WWOX: variants seen among roughly 807,000 people sequenced by gnomAD.
WWOX encodes WW domain containing oxidoreductase.
Under a neutral mutation model 46.2 loss-of-function variants are expected in WWOX, and 69 were observed. The ratio of observed to expected loss-of-function variants is 1.49; its 90% CI spans 1.23 to 1.82. WWOX has a LOEUF of 1.82. Among genes scored for constraint, WWOX ranks in the 40% most tolerant of loss-of-function variants. The pLI is 0.00. For synonymous variants in WWOX, 359 were observed against 202.6 expected, an observed-to-expected ratio of 1.77 and a Z score of -6.56; for missense variants, 919 against 542.6, an observed-to-expected ratio of 1.69 and a Z score of -6.89.
chr16:79,042,233 G>A (rs1012715743), intron 8 of WWOX, among the ~76,000 whole-genome samples: 2 of 152,096 alleles, frequency 1.3e-5, no homozygotes, highest in African/African-American at 2.4e-5. Flanking sequence ...CAAAGCCCAC[G>A]CTCTCTTACA....
chr16:78,725,644 A>G (rs2048812698), intron 8 of WWOX, among the ~76,000 whole-genome samples: 1 of 152,056 alleles, frequency 6.6e-6, no homozygotes, highest in Admixed American at 6.6e-5. Context: ...ATTAAAACAA[A>G]GTAATAAAAT....
At position 78,481,514 on chromosome 16, in the gene WWOX, A is replaced by G. The variant is rs73576853; in HGVS notation, c.1056+48762A>G. Among the ~76,000 whole-genome samples, 620 of 152,232 alleles carry G rather than the reference A, an allele frequency of 4.1e-3. 3 individuals carry two copies. Among genetic ancestry groups the G allele is most frequent in the African/African-American group, 0.014 (594 of 41,540 alleles). ...TTTGCAGGATGTTCGTTTGTTTATC[A>G]TTAGCCCTGGGAGAGTCATCCCTCA... On this transcript the variant is annotated intron_variant, in intron 8 of 8. Transcript: ENST00000566780.
At chr16:78,720,956 G>C (rs1018220547) in intron 8 of WWOX, among the ~76,000 whole-genome samples, 1 of 152,106 alleles carries the variant, frequency 6.6e-6, no homozygotes, top group Non-Finnish European at 1.5e-5. Flanking sequence ...CATCAGGGGA[G>C]CCAAGTGGAC....
At position 78,718,799 on chromosome 16, in the gene WWOX, A is replaced by T. The variant is rs1285423644; in HGVS notation, c.1056+286047A>T. ...CACATATTTATTGAGACACTAATATATGCCAGGAATTATTCTATTGGTTCC... is the reference window on the plus strand; with the variant it reads ...CACATATTTATTGAGACACTAATATTTGCCAGGAATTATTCTATTGGTTCC... On this transcript the variant is annotated intron_variant, in intron 8 of 8. Coordinates refer to ENST00000566780, the MANE Select transcript of WWOX (RefSeq NM_016373.4). Among the ~76,000 whole-genome samples, 5 of 152,188 alleles carry T rather than the reference A, an allele frequency of 3.3e-5. No homozygotes were observed. The South Asian group carries it at 6.2e-4, about 19-fold the overall frequency.
chr16:78,875,530 C>A (rs1481169081), intron 8 of WWOX, among the ~76,000 whole-genome samples: 1 of 152,152 alleles, frequency 6.6e-6, no homozygotes, highest in Non-Finnish European at 1.5e-5. Flanking sequence ...ATCTGTTTTT[C>A]CTTCTGTCTG....
chr16:79,110,682 G>C (rs1407557417), intron 8 of WWOX: 1 of 152,110 alleles, frequency 6.6e-6, no homozygotes, highest in Non-Finnish European at 1.5e-5. Context: ...TTCTCTTGTA[G>C]TCAGGGAAAT....
At chr16:78,977,048 T>A (rs1163049692) in intron 8 of WWOX, among the ~76,000 whole-genome samples, 1 of 152,220 alleles carries the variant, frequency 6.6e-6, no homozygotes, top group African/African-American at 2.4e-5. Context: ...AGGTTTCAAC[T>A]GAGGCTCACG....
intron 8 of WWOX, among the ~76,000 whole-genome samples, chr16:79,197,051 C>A (rs371192706): frequency 6.6e-6 from 1 of 152,146 alleles, no homozygotes; most frequent in Non-Finnish European, 1.5e-5. Flanking sequence ...CATATTGACC[C>A]AGTAGGAAGT....
chr16:78,365,967 G>C (rs1334333572), intron 5 of WWOX, among the ~76,000 whole-genome samples: 1 of 152,172 alleles, frequency 6.6e-6, no homozygotes. Context: ...CCATGTGCCA[G>C]GTGGCCAAGA....
At chr16:79,040,275 ATT>A (rs35194921) in intron 8 of WWOX, among the ~76,000 whole-genome samples, 16 of 139,206 alleles carry the variant, frequency 1.1e-4, no homozygotes, top group Admixed American at 1.4e-4. Flanking sequence ...TTCTGAGTTG[ATT>A]TTTTTTTTTT....
intron 5 of WWOX, among the ~76,000 whole-genome samples, chr16:78,294,285 C>T (rs1179769380): frequency 6.6e-6 from 1 of 152,128 alleles, no homozygotes; most frequent in African/African-American, 2.4e-5. Flanking sequence ...AAGCCCAGTG[C>T]CGGGGTTGCA....
At chr16:79,153,097 C>G (rs541912631) in intron 8 of WWOX, among the ~76,000 whole-genome samples, 69 of 152,262 alleles carry the variant, frequency 4.5e-4, no homozygotes, top group Middle Eastern at 3.4e-3. Flanking sequence ...AATCCAAACT[C>G]ACTTGAGTAC....
At chr16:78,910,402 A>G (rs971897259) in intron 8 of WWOX, among the ~76,000 whole-genome samples, 8 of 151,900 alleles carry the variant, frequency 5.3e-5, no homozygotes, top group African/African-American at 1.7e-4. Context: ...TTTCTGTATC[A>G]AGTCACCGTG....
intron 8 of WWOX, among the ~76,000 whole-genome samples, chr16:79,122,183 C>G (rs548799941): frequency 2.0e-5 from 3 of 152,250 alleles, no homozygotes; most frequent in Non-Finnish European, 2.9e-5. Flanking sequence ...GCTTCTAAAC[C>G]TCTGTGAAGT....
chr16:78,402,964 G>T (rs1241462363), intron 6 of WWOX, among the ~76,000 whole-genome samples: 1 of 152,080 alleles, frequency 6.6e-6, no homozygotes, highest in African/African-American at 2.4e-5. Context: ...TATTCCCAGG[G>T]CCCAGAAAGT....
chr16:78,431,670 AGT>A (rs1278344144), intron 7 of WWOX, among the ~76,000 whole-genome samples: 2 of 148,472 alleles, frequency 1.3e-5, no homozygotes, highest in African/African-American at 5.0e-5. Context: ...TCTTTATTGA[AGT>A]CTCTCTTTGT....
intron 8 of WWOX, among the ~76,000 whole-genome samples, chr16:78,855,036 G>A (rs931137433): frequency 8.6e-5 from 13 of 151,296 alleles, no homozygotes; most frequent in Admixed American, 5.3e-4. Flanking sequence ...TCATAAATAA[G>A]TCAGGACTAT....
At chr16:78,990,183 C>T (rs568128681) in intron 8 of WWOX, among the ~76,000 whole-genome samples, 160 of 120,448 alleles carry the variant, frequency 1.3e-3, no homozygotes, top group African/African-American at 5.5e-3. Context: ...GACCTTGTCT[C>T]ACCAAAAAAA....
intron 8 of WWOX, among the ~76,000 whole-genome samples, chr16:79,008,801 G>A (rs756978946): frequency 6.6e-6 from 1 of 152,186 alleles, no homozygotes; most frequent in Non-Finnish European, 1.5e-5. Flanking sequence ...TTGTCTTCCA[G>A]CCCCACAAAC....
Sources: gnomAD v4.1 joint callset for allele counts (sites outside exome capture counted in the v4.1 genomes callset) on GRCh38, gnomAD v4.1.1 for gene constraint, MANE v1.5 for transcripts, NCBI Gene and HGNC (gene_info 2026-07-23, HGNC 2026-07-21) for gene names.